PPM1L: variants seen among roughly 807,000 people sequenced by gnomAD.
PPM1L encodes the protein protein phosphatase 1L.
In PPM1L, 13 loss-of-function variants were observed where a neutral mutation model predicts 31.4. The observed-to-expected ratio is 0.41, with a 90% CI of 0.27 to 0.66. The LOEUF (loss-of-function observed/expected upper bound fraction) is 0.66, where lower values mean the gene tolerates loss of function less well. Ranked by LOEUF, PPM1L falls within the 30% of genes least tolerant of loss-of-function variation. The probability of loss-of-function intolerance (pLI) is 0.29; values close to 1 mark genes in which losing one functional copy is unlikely to be tolerated. For missense variants in PPM1L, 326 were observed against 453.7 expected, an observed-to-expected ratio of 0.72 and a Z score of 2.56; for synonymous variants, 184 against 175.4, an observed-to-expected ratio of 1.05 and a Z score of -0.39.
At chr3:161,060,949 G>C (rs1237896238) in intron 2 of PPM1L, among the ~76,000 whole-genome samples, 1 of 151,884 alleles carries the variant, frequency 6.6e-6, no homozygotes, top group Non-Finnish European at 1.5e-5. Context: ...AGAACTAATA[G>C]CCAGAATTTT....
chr3:161,052,934 C>T (rs1719316809), intron 2 of PPM1L, among the ~76,000 whole-genome samples: 1 of 152,160 alleles, frequency 6.6e-6, no homozygotes, highest in Admixed American at 6.5e-5. Context: ...AAGGCAAATG[C>T]CCCTTGTAAT....
At position 160,993,912 on chromosome 3, in the gene PPM1L, G is replaced by A. The variant is rs1442235500; in HGVS notation, c.574+32002G>A. On this transcript the variant is annotated intron_variant, in intron 2 of 3. Transcript: ENST00000498165. ...TCTCCTCAGGGACTGATAACACAAA[G>A]CCTGCTCTCTCCCCAACTCCCATTT... Among the ~76,000 whole-genome samples, 4 of 151,944 alleles carry A rather than the reference G, an allele frequency of 2.6e-5. No individual in the cohort carries two copies. In the East Asian group the frequency reaches 5.8e-4, roughly 22 times the overall value.
intron 1 of PPM1L, among the ~76,000 whole-genome samples, chr3:160,810,166 C>T (rs1449438073): frequency 6.6e-6 from 1 of 151,892 alleles, no homozygotes; most frequent in Non-Finnish European, 1.5e-5. Context: ...CTATAATTGG[C>T]TTTTGCAGTT....
At chr3:160,944,851 C>T (rs1370069473) in intron 1 of PPM1L, among the ~76,000 whole-genome samples, 10 of 32,800 alleles carry the variant, frequency 3.0e-4, no homozygotes, top group Admixed American at 1.4e-3. Flanking sequence ...TTATATATAA[C>T]ATATATTATA....
chr3:160,838,337 A>G (rs1713778071), intron 1 of PPM1L, among the ~76,000 whole-genome samples: 1 of 152,184 alleles, frequency 6.6e-6, no homozygotes, highest in Non-Finnish European at 1.5e-5. Context: ...TGGATTAAGT[A>G]GGGGCTTGCA....
intron 2 of PPM1L, among the ~76,000 whole-genome samples, chr3:160,979,507 C>T (rs926576729): frequency 2.0e-5 from 3 of 152,048 alleles, no homozygotes; most frequent in Non-Finnish European, 4.4e-5. Context: ...ACAGTGGCCC[C>T]AGCCAGGAAA....
At chr3:160,932,826 A>G (rs1023812781) in intron 1 of PPM1L, among the ~76,000 whole-genome samples, 1 of 152,160 alleles carries the variant, frequency 6.6e-6, no homozygotes, top group Non-Finnish European at 1.5e-5. Context: ...CAGCCTCATC[A>G]TTCACTGCTA....
intron 2 of PPM1L, among the ~76,000 whole-genome samples, chr3:161,059,405 T>C (rs1246109342): frequency 6.6e-6 from 1 of 152,106 alleles, no homozygotes; most frequent in African/African-American, 2.4e-5. Flanking sequence ...TAAAGTGTAT[T>C]TTGCTACATC....
intron 1 of PPM1L, among the ~76,000 whole-genome samples, chr3:160,959,690 G>A (rs756485835): frequency 2.6e-5 from 4 of 152,004 alleles, no homozygotes; most frequent in Non-Finnish European, 4.4e-5. Context: ...AAAATTAGCC[G>A]GGCATGGTGG....
chr3:161,003,231 G>A (rs1172596590), intron 2 of PPM1L, among the ~76,000 whole-genome samples: 1 of 150,706 alleles, frequency 6.6e-6, no homozygotes, highest in East Asian at 2.0e-4. Flanking sequence ...ATGCTGTTTT[G>A]GTTACTGTAG....
intron 2 of PPM1L, among the ~76,000 whole-genome samples, chr3:160,997,021 G>A (rs1717346253): frequency 6.6e-6 from 1 of 152,166 alleles, no homozygotes; most frequent in Non-Finnish European, 1.5e-5. Context: ...CAGTGAAACA[G>A]TGGTGGGGCT....
intron 2 of PPM1L, among the ~76,000 whole-genome samples, chr3:160,966,862 A>G (rs976206822): frequency 2.5e-5 from 1 of 40,016 alleles, no homozygotes; most frequent in South Asian, 4.7e-4. Context: ...GAACTTCACA[A>G]TAGTGACTTG....
chr3:160,764,642 T>C (rs1487506912), intron 1 of PPM1L, among the ~76,000 whole-genome samples: 1 of 152,036 alleles, frequency 6.6e-6, no homozygotes, highest in Non-Finnish European at 1.5e-5. Context: ...AATTTTCATA[T>C]TTTTTAATAG....
At chr3:160,943,803 A>C (rs1416218576) in intron 1 of PPM1L, among the ~76,000 whole-genome samples, 1 of 152,100 alleles carries the variant, frequency 6.6e-6, no homozygotes, top group African/African-American at 2.4e-5. Flanking sequence ...TTAGAAAAGA[A>C]AGCTTGGTTT....
At chr3:161,011,775 T>A (rs947536077) in intron 2 of PPM1L, among the ~76,000 whole-genome samples, 30 of 152,100 alleles carry the variant, frequency 2.0e-4, no homozygotes, top group Non-Finnish European at 3.8e-4. Context: ...TTCTCTTTGA[T>A]GCAATTGTGA....
At chr3:160,967,441 AT>A (rs993867305) in intron 2 of PPM1L, among the ~76,000 whole-genome samples, 6 of 151,944 alleles carry the variant, frequency 3.9e-5, no homozygotes, top group African/African-American at 1.4e-4. Flanking sequence ...TATGGTGTCT[AT>A]AAGGGCCTGG....
At chr3:160,922,111 C>T (rs1018883931) in intron 1 of PPM1L, among the ~76,000 whole-genome samples, 3 of 152,214 alleles carry the variant, frequency 2.0e-5, no homozygotes, top group South Asian at 2.1e-4. Context: ...GAGATCAAGA[C>T]CATCCTGGCT....
chr3:160,780,235 T>G (rs562434252), intron 1 of PPM1L, among the ~76,000 whole-genome samples: 17 of 152,306 alleles, frequency 1.1e-4, no homozygotes, highest in African/African-American at 3.8e-4. Context: ...TAAAGAGCCC[T>G]TCAGCATCTA....
At chr3:160,909,270 C>G (rs1713870378) in intron 1 of PPM1L, among the ~76,000 whole-genome samples, 2 of 151,948 alleles carry the variant, frequency 1.3e-5, no homozygotes, top group Admixed American at 6.6e-5. Flanking sequence ...GCCTGAAGGC[C>G]ATGGCATGGG....
Sources: allele counts gnomAD v4.1 joint callset (sites outside exome capture counted in the v4.1 genomes callset), GRCh38; gene constraint gnomAD v4.1.1; transcripts MANE v1.5; gene names NCBI Gene and HGNC (gene_info 2026-07-23, HGNC 2026-07-21).